MYO5C: variants seen among roughly 807,000 people sequenced by gnomAD.
MYO5C encodes myosin VC.
In MYO5C, 194 loss-of-function variants were observed where a neutral mutation model predicts 235.7. That is an observed-to-expected ratio of 0.82 (90% CI 0.73 to 0.93). The LOEUF (loss-of-function observed/expected upper bound fraction) is 0.93. MYO5C is among the 40% of genes least tolerant of loss of function. The pLI is 0.00. For missense variants in MYO5C, 2,038 were observed against 2,127.2 expected (o/e 0.96, Z 0.82); for synonymous variants, 707 against 754.8 (o/e 0.94, Z 1.04).
Position 52,279,006 on chromosome 15 carries a change from C to A in MYO5C, c.316G>T (p.Val106Leu). The change falls in exon 4 of 41, where the codon GTG becomes TTG. Residue 106 changes from valine to leucine, a missense_variant. Coordinates refer to ENST00000261839, the MANE Select transcript of MYO5C (RefSeq NM_018728.4). The stretch of plus-strand genomic sequence containing the variant: ...AACTGCTTGTAAGGATTCATGGCCA[C>A]CAAAATGATTCCTGGGGAAAGATGT... Reference protein sequence around the residue: ...LIYTYSGIILVAMNPYKQLPI... With the variant: ...LIYTYSGIILLAMNPYKQLPI... 1 of 1,612,218 alleles carries A rather than the reference C, an allele frequency of 6.2e-7. No individual in the cohort carries two copies. Among genetic ancestry groups the A allele is most frequent in the South Asian group, 1.1e-5 (1 of 90,962 alleles).
At chr15:52,255,769 C>G (rs4145157) in intron 11 of MYO5C, among the ~76,000 whole-genome samples, 147,988 of 152,294 alleles carry the variant, frequency 0.97, 72,053 homozygotes, top group East Asian at 1. Context: ...GTAGCATTTA[C>G]TCAACATTTT....
chr15:52,246,690 T>G (rs568868868), intron 16 of MYO5C, among the ~76,000 whole-genome samples: 39 of 152,290 alleles, frequency 2.6e-4, no homozygotes, highest in South Asian at 8.3e-4. Flanking sequence ...AAAACTTTAG[T>G]TGTAGAAGAT....
chr15:52,245,023 G>A (rs1005868276), intron 18 of MYO5C, among the ~76,000 whole-genome samples: 4 of 152,208 alleles, frequency 2.6e-5, no homozygotes, highest in African/African-American at 9.7e-5. Flanking sequence ...AAGGCACCAT[G>A]CCTGGAGCCC....
At position 52,237,928 on chromosome 15, in the gene MYO5C, CA is replaced by C. The variant is rs557115412; in HGVS notation, c.2704-283del. On this transcript the variant is annotated intron_variant, in intron 21 of 40. Transcript: ENST00000261839. ...TAGTGTTATGAACTGTGCCCCCCGC[CA>C]AAATTCATTTGTTGAAGTCCTAACC... Among the ~76,000 whole-genome samples, 552 of 149,460 alleles carry C rather than the reference CA, an allele frequency of 3.7e-3. 3 individuals carry two copies. Among genetic ancestry groups the C allele is most frequent in the Non-Finnish European group, 6.5e-3 (434 of 66,620 alleles).
At chr15:52,208,714 T>C (rs2035378797) in intron 35 of MYO5C, 71 bp from the exon 36 acceptor site, 1 of 1,379,168 alleles carries the variant, frequency 7.3e-7, no homozygotes, top group Non-Finnish European at 1.0e-6. Flanking sequence ...ACCTGTTTGG[T>C]TATTTGTAGC....
chr15:52,275,832 T>C, intron 4 of MYO5C, 114 bp from the exon 5 acceptor site: 2 of 998,540 alleles, frequency 2.0e-6, no homozygotes, highest in South Asian at 1.6e-5. Flanking sequence ...GTCACTCTAC[T>C]ATTTTTAAAT....
intron 10 of MYO5C, among the ~76,000 whole-genome samples, chr15:52,259,419 CAAA>C (rs11388485): frequency 7.8e-6 from 1 of 127,420 alleles, no homozygotes. Context: ...GACTCCGTCT[CAAA>C]AAAAAAAAAA....
chr15:52,288,324 T>C lies in MYO5C; in HGVS notation c.28-5432A>G, dbSNP rs148748000. Reference sequence around the variant, plus strand: ...CTGCAACCATCTACTTGAGAGTCCATGTGCTCTCCTAACTATAATTTAGGA... The same window carrying C: ...CTGCAACCATCTACTTGAGAGTCCACGTGCTCTCCTAACTATAATTTAGGA... On this transcript the variant is annotated intron_variant, in intron 1 of 40. Transcript: ENST00000261839. Among the ~76,000 whole-genome samples, 185 of 152,306 alleles carry C rather than the reference T, an allele frequency of 1.2e-3. 1 individual carries two copies. Among genetic ancestry groups the C allele is most frequent in the African/African-American group, 4.2e-3 (176 of 41,568 alleles).
intron 1 of MYO5C, among the ~76,000 whole-genome samples, chr15:52,286,287 C>T (rs1333274099): frequency 2.7e-5 from 4 of 148,798 alleles, no homozygotes; most frequent in Admixed American, 6.7e-5. Flanking sequence ...GCCCCCCGCC[C>T]GGCCAGCCGC....
In MYO5C at chr15:52,262,660, A is replaced by G. The variant is rs1177176007; in HGVS notation, c.1047+1530T>C. ...AAGCTGGAGGAGAGGAAGGAGAATTACTTCCTGGTCATGGCAAAAGGCCTA... is the reference window on the plus strand; with the variant it reads ...AAGCTGGAGGAGAGGAAGGAGAATTGCTTCCTGGTCATGGCAAAAGGCCTA... On this transcript the variant is annotated intron_variant, in intron 9 of 40. Transcript: ENST00000261839. Among the ~76,000 whole-genome samples, 3 of 152,172 alleles carry G rather than the reference A, an allele frequency of 2.0e-5. No homozygotes were observed. In the East Asian group the frequency reaches 5.8e-4, roughly 29 times the overall value.
At chr15:52,260,661 A>G (rs1487491797) in intron 10 of MYO5C, among the ~76,000 whole-genome samples, 1 of 152,208 alleles carries the variant, frequency 6.6e-6, no homozygotes, top group Non-Finnish European at 1.5e-5. Flanking sequence ...GGTCATTCCT[A>G]ATTCAGCATC....
chr15:52,279,780 G>T, intron 2 of MYO5C, 106 bp from the exon 3 acceptor site: 1 of 1,104,438 alleles, frequency 9.1e-7, no homozygotes, highest in Non-Finnish European at 1.3e-6. Context: ...AGTCATCACT[G>T]ACATTAAAAA....
At chr15:52,204,843 A>G (rs894083998) in intron 38 of MYO5C, 22 bp downstream of exon 38, 1 of 1,609,726 alleles carries the variant, frequency 6.2e-7, no homozygotes, top group Non-Finnish European at 8.5e-7. Context: ...TCTCCGCGTG[A>G]GCGGAGGTTT....
intron 4 of MYO5C, chr15:52,277,013 G>C: frequency 2.2e-6 from 1 of 448,544 alleles, no homozygotes. Flanking sequence ...CCAGAGCACA[G>C]AGCCACAGCC....
chr15:52,230,180 T>G (rs746671511), intron 24 of MYO5C, among the ~76,000 whole-genome samples: 1 of 152,236 alleles, frequency 6.6e-6, no homozygotes, highest in Non-Finnish European at 1.5e-5. Flanking sequence ...AAAAATTTGA[T>G]GATTAACTAA....
At chr15:52,246,087 T>G in intron 16 of MYO5C, 45 bp from the exon 17 acceptor site, 1 of 1,498,916 alleles carries the variant, frequency 6.7e-7, no homozygotes, top group Non-Finnish European at 9.3e-7. Context: ...TCGTAATTGC[T>G]CAACATGCCC....
intron 19 of MYO5C, 124 bp from the exon 20 acceptor site, chr15:52,242,337 T>A: frequency 9.4e-7 from 1 of 1,059,034 alleles, no homozygotes; most frequent in Non-Finnish European, 1.4e-6. Flanking sequence ...CTCTCCACAT[T>A]AAACTCTGTG....
intron 11 of MYO5C, among the ~76,000 whole-genome samples, chr15:52,255,125 T>C (rs1417717411): frequency 6.6e-6 from 1 of 152,236 alleles, no homozygotes; most frequent in Non-Finnish European, 1.5e-5. Flanking sequence ...TACATAGTTT[T>C]GTGGTACATG....
intron 38 of MYO5C, among the ~76,000 whole-genome samples, chr15:52,200,518 T>C (rs746618602): frequency 2.0e-5 from 3 of 152,212 alleles, no homozygotes; most frequent in Admixed American, 6.5e-5. Context: ...TGAGCCAAGA[T>C]TGTGCTGCTG....
Sources: allele counts gnomAD v4.1 joint callset (sites outside exome capture counted in the v4.1 genomes callset), GRCh38; gene constraint gnomAD v4.1.1; transcripts MANE v1.5; gene names NCBI Gene and HGNC (gene_info 2026-07-23, HGNC 2026-07-21).